The following CCNJL variants were observed in gnomAD, a reference collection of about 807,000 sequenced individuals.
CCNJL encodes cyclin J like, also known as cyclin-J-like protein.
CCNJL carries 33 observed loss-of-function variants against 33.4 expected under a neutral mutation model. The observed-to-expected ratio is 0.99, with a 90% CI of 0.75 to 1.32. CCNJL has a LOEUF of 1.32. Ranked by LOEUF, CCNJL falls within the 40% of genes most tolerant of loss-of-function variation. The pLI is 0.00. For synonymous variants in CCNJL, 227 were observed against 220.9 expected, an observed-to-expected ratio of 1.03 and a Z score of -0.24; for missense variants, 512 against 499.7, an observed-to-expected ratio of 1.02 and a Z score of -0.23.
intron 2 of CCNJL, among the ~76,000 whole-genome samples, chr5:160,281,197 A>G (rs1259678792): frequency 2.0e-5 from 3 of 152,176 alleles, no homozygotes; most frequent in Admixed American, 2.0e-4. Context: ...CTAAATTTAA[A>G]ATGTATGCAA....
intron 1 of CCNJL, among the ~76,000 whole-genome samples, chr5:160,322,453 G>A (rs1353018931): frequency 6.6e-6 from 1 of 152,158 alleles, no homozygotes; most frequent in Non-Finnish European, 1.5e-5. Context: ...GTTATATGAA[G>A]GTCAAATGAT....
At chr5:160,280,785 G>C (rs758476138) in intron 2 of CCNJL, 47 bp from the exon 3 acceptor site, 9 of 1,288,352 alleles carry the variant, frequency 7.0e-6, no homozygotes, top group Non-Finnish European at 7.7e-6. Context: ...GCTGCCTCCT[G>C]AGAGTCTCGG....
At chr5:160,265,982 A>G (rs1249716811) in intron 3 of CCNJL, among the ~76,000 whole-genome samples, 1 of 152,250 alleles carries the variant, frequency 6.6e-6, no homozygotes, top group Non-Finnish European at 1.5e-5. Context: ...GAGAATGAGA[A>G]CCAGACTTTT....
Position 160,266,869 on chromosome 5 carries a change from T to G in CCNJL, c.281-7098A>C, listed in dbSNP as rs1761618030. 3.3e-5 allele frequency among the ~76,000 whole-genome samples: 5 copies of G among 152,256 alleles called. No homozygotes were observed. In the East Asian group the frequency reaches 9.6e-4, roughly 29 times the overall value. On this transcript the variant is annotated intron_variant, in intron 3 of 5. Coordinates refer to ENST00000257536, the MANE Select transcript of CCNJL (RefSeq NM_001308173.3). Reference sequence around the variant, plus strand: ...GAATGCATGGAGTGGACTGGAGTCGTTACAGCTTCCTTTCCCCAGGACTGT... The same window carrying G: ...GAATGCATGGAGTGGACTGGAGTCGGTACAGCTTCCTTTCCCCAGGACTGT...
At chr5:160,289,511 G>A (rs530896168) in intron 2 of CCNJL, among the ~76,000 whole-genome samples, 111 of 152,194 alleles carry the variant, frequency 7.3e-4, no homozygotes, top group African/African-American at 2.4e-3. Context: ...CCACTGTGAC[G>A]TGTGAGCCAG....
At position 160,253,818 on chromosome 5, in the gene CCNJL, G is replaced by A; in HGVS notation, c.744-20C>T. On this transcript the variant is annotated intron_variant, in intron 5 of 5. Coordinates refer to ENST00000257536, the MANE Select transcript of CCNJL (RefSeq NM_001308173.3). ...TACACTCTGAAACGAGAAGACCTGG[G>A]TGAGAACTGGAGGCCAAAAGCCACC... The A allele has an allele frequency of 1.3e-6, 2 of 1,493,574 alleles. No individual in the cohort carries two copies. Among genetic ancestry groups the A allele is most frequent in the Non-Finnish European group, 1.8e-6 (2 of 1,126,354 alleles). 92.5% of individuals were successfully genotyped at this position (1,493,574 alleles called of 1,614,324 possible).
upstream of CCNJL, among the ~76,000 whole-genome samples, chr5:160,314,159 A>AACTCCG (rs1303917177): frequency 6.6e-6 from 1 of 152,210 alleles, no homozygotes; most frequent in African/African-American, 2.4e-5. Flanking sequence ...ACAAGAGTGA[A>AACTCCG]ACTCCGTCTC....
chr5:160,259,795 G>A, intron 3 of CCNJL, 24 bp from the exon 4 acceptor site: 1 of 1,577,870 alleles, frequency 6.3e-7, no homozygotes. Flanking sequence ...GGGGAAGCAG[G>A]GGTTACTGGA....
intron 2 of CCNJL, among the ~76,000 whole-genome samples, chr5:160,287,037 C>CA (rs1762429447): frequency 6.6e-6 from 1 of 152,300 alleles, no homozygotes; most frequent in Non-Finnish European, 1.5e-5. Context: ...CTCCCGCCCC[C>CA]ACATACCGGG....
At chr5:160,315,209 C>T (rs557032341), upstream of CCNJL, among the ~76,000 whole-genome samples, 29 of 152,206 alleles carry the variant, frequency 1.9e-4, no homozygotes, top group African/African-American at 6.3e-4. Flanking sequence ...GGCACGGTGG[C>T]TCATGCCTGT....
At chr5:160,287,461 T>C (rs1038750045) in intron 2 of CCNJL, among the ~76,000 whole-genome samples, 3 of 152,246 alleles carry the variant, frequency 2.0e-5, no homozygotes, top group Non-Finnish European at 2.9e-5. Flanking sequence ...AGGGAGATTC[T>C]TTGTCATGGA....
chr5:160,306,840 C>A (rs1044123584), intron 2 of CCNJL, among the ~76,000 whole-genome samples: 1 of 152,220 alleles, frequency 6.6e-6, no homozygotes, highest in Non-Finnish European at 1.5e-5. Context: ...TATCTGGGCG[C>A]AACCTGCAGT....
rs566783898 is a variant in CCNJL at position 160,336,562 on chromosome 5, G to A, written n.206+2883C>T. ...CAGACTCTGGGTTCCAGAACTGTGGGAGAATCCATTTCTGTTGTTTTAAGC... is the reference window on the plus strand; with the variant it reads ...CAGACTCTGGGTTCCAGAACTGTGGAAGAATCCATTTCTGTTGTTTTAAGC... On this transcript the variant is annotated intron_variant and non_coding_transcript_variant, in intron 1 of 7. Transcript: ENST00000377503. 5.9e-5 allele frequency among the ~76,000 whole-genome samples: 9 copies of A among 152,326 alleles called. No homozygotes were observed. The South Asian group carries it at 1.7e-3, about 28-fold the overall frequency.
At chr5:160,339,404 C>A in intron 1 of CCNJL, 2 of 394,050 alleles carry the variant, frequency 5.1e-6, no homozygotes, top group South Asian at 1.9e-5. Context: ...AAAACACATC[C>A]AAACACGTTC....
chr5:160,325,703 A>G (rs1763525902), intron 1 of CCNJL, among the ~76,000 whole-genome samples: 1 of 152,086 alleles, frequency 6.6e-6, no homozygotes, highest in South Asian at 2.1e-4. Context: ...GGCAGCCCAC[A>G]CTGTATTTTC....
chr5:160,298,164 T>C (rs1189529559), intron 2 of CCNJL, among the ~76,000 whole-genome samples: 1 of 152,196 alleles, frequency 6.6e-6, no homozygotes, highest in Non-Finnish European at 1.5e-5. Flanking sequence ...TACTAGTACA[T>C]GGTGGAGTTA....
At position 160,312,371 on chromosome 5, in the gene CCNJL, C is replaced by T. The variant is rs900094256; in HGVS notation, c.-57G>A. The T allele has an allele frequency of 1.8e-5, 3 of 171,288 alleles. No homozygotes were observed. Among genetic ancestry groups the T allele is most frequent in the Middle Eastern group, 2.5e-3 (1 of 398 alleles). The allele number at this position is 171,288 out of a possible 1,614,324, so 10.6% of individuals were successfully genotyped here. A position where few individuals can be genotyped will look rare whatever the true frequency, so the allele number is the denominator to read the frequency against. On this transcript the variant is annotated 5_prime_UTR_variant, in exon 1 of 6. Transcript: ENST00000257536. ...AGCCGGGGCGAAACTCACGCATCCT[C>T]TCTGGGCGTGGGGGGCTGCGAGCGC...
In CCNJL at chr5:160,253,302, T is replaced by C; in HGVS notation, c.*76A>G. The C allele has an allele frequency of 7.0e-7, 1 of 1,430,682 alleles. No homozygotes were observed. The highest frequency in any genetic ancestry group is 9.4e-7 in the Non-Finnish European group (1 of 1,065,584). The allele number at this position is 1,430,682 out of a possible 1,614,324, so 88.6% of individuals were successfully genotyped here. On this transcript the variant is annotated 3_prime_UTR_variant, in exon 6 of 6. Transcript: ENST00000257536. The stretch of plus-strand genomic sequence containing the variant: ...AGGGATGGCCTCCTGCTGCCTCACT[T>C]GGCTGAGCTCTCCTCTTCAGTGTCC...
At position 160,320,841 on chromosome 5, in the gene CCNJL, CTTTCTTTCCTTCT is replaced by C. The variant is rs1561812520; in HGVS notation, n.207-5349_207-5337del. Among the ~76,000 whole-genome samples, 386 of 99,778 alleles carry C rather than the reference CTTTCTTTCCTTCT, an allele frequency of 3.9e-3. 2 individuals are homozygous for C. Among genetic ancestry groups the C allele is most frequent in the African/African-American group, 9.5e-3 (275 of 28,860 alleles). 65.5% of individuals were successfully genotyped at this position (99,778 alleles called of 152,430 possible). Reference sequence around the variant, plus strand: ...TCTTTCTTTCTTTCTTTCTTTCTTTCTTTCTTTCCTTCTTTCTTTCTTTCTTTCTCTCTTTCTT... The same window carrying C: ...TCTTTCTTTCTTTCTTTCTTTCTTTCTTCTTTCTTTCTTTCTCTCTTTCTT... On this transcript the variant is annotated intron_variant and non_coding_transcript_variant, in intron 1 of 7. Coordinates refer to the CCNJL transcript ENST00000377503.
Sources: allele counts gnomAD v4.1 joint callset (sites outside exome capture counted in the v4.1 genomes callset), GRCh38; gene constraint gnomAD v4.1.1; transcripts MANE v1.5; gene names NCBI Gene and HGNC (gene_info 2026-07-23, HGNC 2026-07-21).